The following CHIC2 variants were observed in gnomAD, a reference collection of about 807,000 sequenced individuals.
CHIC2 encodes cysteine-rich hydrophobic domain-containing protein 2.
A neutral mutation model predicts 25.9 loss-of-function variants in CHIC2; 14 were observed. That is an observed-to-expected ratio of 0.54 (90% CI 0.36 to 0.85). The LOEUF (loss-of-function observed/expected upper bound fraction) is 0.85. Ranked by LOEUF, CHIC2 falls within the 40% of genes least tolerant of loss-of-function variation. The probability of loss-of-function intolerance (pLI) is 0.01; values close to 1 mark genes in which losing one functional copy is unlikely to be tolerated. For synonymous variants in CHIC2, 70 were observed against 72.0 expected (o/e 0.97, Z 0.14); for missense variants, 146 against 202.0 (o/e 0.72, Z 1.68).
chr4:54,070,645 A>T, the CHIC2 span, among the ~76,000 whole-genome samples: 1 of 151,558 alleles, frequency 6.6e-6, no homozygotes, highest in Admixed American at 6.6e-5. Context: ...CTGGTCTTGA[A>T]CTCCTGACCT....
chr4:54,041,040 C>A (rs1716560955), intron 3 of CHIC2, among the ~76,000 whole-genome samples: 3 of 149,278 alleles, frequency 2.0e-5, no homozygotes, highest in Non-Finnish European at 3.0e-5. Context: ...CCTCAGCCTC[C>A]CGAGTAGCTG....
At chr4:54,090,171 A>G in the CHIC2 span, among the ~76,000 whole-genome samples, 3 of 151,818 alleles carry the variant, frequency 2.0e-5, no homozygotes, top group African/African-American at 7.3e-5. Flanking sequence ...ATTATACACA[A>G]TTTAATTATT....
chr4:54,073,054 C>A, the CHIC2 span, among the ~76,000 whole-genome samples: 2 of 151,380 alleles, frequency 1.3e-5, no homozygotes, highest in African/African-American at 2.4e-5. Flanking sequence ...GGTGACAGAG[C>A]GAGACTCCGT....
intron 1 of CHIC2, among the ~76,000 whole-genome samples, chr4:54,063,123 C>T (rs1212573768): frequency 6.6e-6 from 1 of 152,134 alleles, no homozygotes; most frequent in Non-Finnish European, 1.5e-5. Context: ...TTACTGTTTC[C>T]CTAAGTTATT....
intron 3 of CHIC2, among the ~76,000 whole-genome samples, chr4:54,026,040 C>A (rs1716048270): frequency 6.6e-6 from 1 of 152,162 alleles, no homozygotes; most frequent in South Asian, 2.1e-4. Flanking sequence ...TTAATCTGCA[C>A]AACAAGCCTA....
intron 3 of CHIC2, among the ~76,000 whole-genome samples, chr4:54,028,617 G>C (rs375054763): frequency 2.6e-5 from 4 of 152,186 alleles, no homozygotes; most frequent in East Asian, 1.9e-4. Flanking sequence ...AATTAAAAGA[G>C]AATGTATGTA....
At chr4:54,066,258 T>C (rs1169740051), upstream of CHIC2, among the ~76,000 whole-genome samples, 2 of 152,144 alleles carry the variant, frequency 1.3e-5, no homozygotes, top group African/African-American at 4.8e-5. Flanking sequence ...CCTGCCCCAT[T>C]GGGATGCTCA....
At chr4:54,084,385 G>A in the CHIC2 span, among the ~76,000 whole-genome samples, 1 of 151,986 alleles carries the variant, frequency 6.6e-6, no homozygotes, top group Non-Finnish European at 1.5e-5. Context: ...TACACTAAGA[G>A]TCCTGTCTGG....
chr4:54,081,201 G>A, the CHIC2 span, among the ~76,000 whole-genome samples: 1 of 151,198 alleles, frequency 6.6e-6, no homozygotes, highest in African/African-American at 2.4e-5. Flanking sequence ...TGTTACCCAG[G>A]CTGGCCTTGA....
intron 3 of CHIC2, 102 bp from the exon 4 acceptor site, chr4:54,014,221 C>A: frequency 1.1e-6 from 1 of 883,256 alleles, no homozygotes. Flanking sequence ...AAGACAGTGA[C>A]TGAGTATAGT....
intron 3 of CHIC2, among the ~76,000 whole-genome samples, chr4:54,033,801 T>C (rs1211785622): frequency 6.6e-6 from 1 of 152,176 alleles, no homozygotes; most frequent in Admixed American, 6.5e-5. Context: ...CTTTCCACCT[T>C]TGGTGGAAAT....
upstream of CHIC2, among the ~76,000 whole-genome samples, chr4:54,066,287 G>T (rs536235983): frequency 5.6e-4 from 86 of 152,304 alleles, no homozygotes; most frequent in Middle Eastern, 6.8e-3. Context: ...AAGGGCTTAA[G>T]ATCGGTGAAG....
At chr4:54,043,679 G>C (rs958810828) in intron 3 of CHIC2, among the ~76,000 whole-genome samples, 1 of 152,098 alleles carries the variant, frequency 6.6e-6, no homozygotes. Flanking sequence ...GGAACAACTG[G>C]TACCAGCCAC....
intron 3 of CHIC2, among the ~76,000 whole-genome samples, chr4:54,042,199 C>T (rs937197792): frequency 6.6e-6 from 1 of 152,176 alleles, no homozygotes; most frequent in African/African-American, 2.4e-5. Flanking sequence ...TTTGTTTATG[C>T]TCCCTAGATA....
the CHIC2 span, chr4:54,086,854 A>G: frequency 1.8e-6 from 1 of 547,704 alleles, no homozygotes; most frequent in Non-Finnish European, 3.4e-6. Context: ...AAGATCTATA[A>G]GAGTCCTTTT....
chr4:54,021,806 C>T (rs966354981), intron 3 of CHIC2, among the ~76,000 whole-genome samples: 1 of 152,098 alleles, frequency 6.6e-6, no homozygotes, highest in Non-Finnish European at 1.5e-5. Flanking sequence ...TCTCAATATA[C>T]ATTTTATTAA....
At chr4:54,037,221 C>A (rs1055442888) in intron 3 of CHIC2, among the ~76,000 whole-genome samples, 2 of 151,856 alleles carry the variant, frequency 1.3e-5, no homozygotes, top group Admixed American at 6.6e-5. Context: ...TGGTGATGCG[C>A]ACCTGTGGCC....
At chr4:54,065,227 G>A, upstream of CHIC2, 1 of 710,680 alleles carries the variant, frequency 1.4e-6, no homozygotes, top group Non-Finnish European at 1.7e-6. Context: ...TATGAGGCCA[G>A]CGATGCTGGT....
At chr4:54,018,390 C>T (rs905266594) in intron 3 of CHIC2, among the ~76,000 whole-genome samples, 3 of 151,752 alleles carry the variant, frequency 2.0e-5, no homozygotes, top group African/African-American at 7.3e-5. Context: ...AATATTATTC[C>T]CTATAAACAA....
Sources: allele counts gnomAD v4.1 joint callset (sites outside exome capture counted in the v4.1 genomes callset), GRCh38; gene constraint gnomAD v4.1.1; transcripts MANE v1.5; gene names NCBI Gene and HGNC (gene_info 2026-07-23, HGNC 2026-07-21).